Variants in FGFR2 observed in about 807,000 individuals in gnomAD.
FGFR2 encodes BEK fibroblast growth factor receptor.
In FGFR2, 19 loss-of-function variants were observed where a neutral mutation model predicts 95.9. The ratio of observed to expected loss-of-function variants is 0.20; its 90% CI spans 0.14 to 0.29. The LOEUF (loss-of-function observed/expected upper bound fraction) is 0.29, where lower values mean the gene tolerates loss of function less well. FGFR2 is among the 10% of genes least tolerant of loss of function. The probability of loss-of-function intolerance (pLI) is 1.00; values close to 1 mark genes in which losing one functional copy is unlikely to be tolerated. For missense variants in FGFR2, 707 were observed against 1,056.9 expected (o/e 0.67, Z 4.59); for synonymous variants, 392 against 393.3 (o/e 1.00, Z 0.04).
At chr10:121,548,845 C>A (rs941622194) in intron 5 of FGFR2, among the ~76,000 whole-genome samples, 21 of 152,218 alleles carry the variant, frequency 1.4e-4, no homozygotes, top group Admixed American at 7.2e-4. Context: ...TGGCTTAACT[C>A]TTCCTTTCTA....
At position 121,531,808 on chromosome 10, in the gene FGFR2, T is replaced by C. The variant is rs979457130; in HGVS notation, c.748+6784A>G. Among the ~76,000 whole-genome samples, 3 of 152,132 alleles carry C rather than the reference T, an allele frequency of 2.0e-5. No homozygotes were observed. In the South Asian group the frequency reaches 6.2e-4, roughly 32 times the overall value. On this transcript the variant is annotated intron_variant, in intron 6 of 17. Transcript: ENST00000358487. The surrounding 1 kb of genome is among the most constrained non-coding windows in gnomAD (Gnocchi z 4.5). ...TCCAGAGAGGGCATCTGGCACAGAGTAGAGACCCTTAGGGGTTGTCTGTGA... is the reference window on the plus strand; with the variant it reads ...TCCAGAGAGGGCATCTGGCACAGAGCAGAGACCCTTAGGGGTTGTCTGTGA...
chr10:121,546,983 C>T (rs997679538), intron 5 of FGFR2, among the ~76,000 whole-genome samples: 44 of 152,124 alleles, frequency 2.9e-4, no homozygotes, highest in Non-Finnish European at 4.4e-5. Flanking sequence ...CCAGCACTCG[C>T]AGAGGCCAAG....
chr10:121,559,778 CT>C (rs1036025126), intron 4 of FGFR2, among the ~76,000 whole-genome samples: 7 of 152,354 alleles, frequency 4.6e-5, no homozygotes, highest in African/African-American at 1.7e-4. Flanking sequence ...GCTCTACCCC[CT>C]GGCCCTTCTG....
chr10:121,546,185 T>TAAAAAAAAAAAAAAA (rs35408469), intron 5 of FGFR2, among the ~76,000 whole-genome samples: 8 of 135,346 alleles, frequency 5.9e-5, no homozygotes, highest in Admixed American at 2.9e-4. Context: ...ACCTCTTTAT[T>TAAAAAAAAAAAAAAA]AAAAAAAAAA....
chr10:121,580,036 T>C (rs1454956855), intron 2 of FGFR2, among the ~76,000 whole-genome samples: 2 of 152,220 alleles, frequency 1.3e-5, no homozygotes, highest in Non-Finnish European at 1.5e-5. Context: ...TTGCCCTGTA[T>C]GGCCCTGAAA....
At chr10:121,507,798 TCTGGGTAA>T in intron 9 of FGFR2, among the ~76,000 whole-genome samples, 1 of 152,312 alleles carries the variant, frequency 6.6e-6, no homozygotes, top group East Asian at 1.9e-4. Flanking sequence ...GACACTTCTC[TCTGGGTAA>T]CTTGGAGCGT....
intron 8 of FGFR2, among the ~76,000 whole-genome samples, chr10:121,516,648 T>A (rs1003041908): frequency 2.0e-5 from 3 of 152,176 alleles, no homozygotes; most frequent in African/African-American, 7.2e-5. Flanking sequence ...AGAATAGAGA[T>A]GTCGGTTAAA....
At chr10:121,578,131 T>C (rs1392924302) in intron 2 of FGFR2, among the ~76,000 whole-genome samples, 1 of 152,138 alleles carries the variant, frequency 6.6e-6, no homozygotes, top group African/African-American at 2.4e-5. Flanking sequence ...GCGCCTCTTG[T>C]AGCCACCGCA....
chr10:121,544,402 C>T (rs944071353), intron 5 of FGFR2, among the ~76,000 whole-genome samples: 1 of 148,858 alleles, frequency 6.7e-6, no homozygotes, highest in South Asian at 2.1e-4. Flanking sequence ...CAAGGTTGCA[C>T]CACTGCACTC....
At position 121,518,867 on chromosome 10, in the gene FGFR2, A is replaced by G. The variant is rs903753548; in HGVS notation, c.939+1112T>C. On this transcript the variant is annotated intron_variant, in intron 7 of 17. Transcript: ENST00000358487. This position sits in a 1 kb window ranked among gnomAD's most constrained non-coding sequence, Gnocchi z 4.0. ...CAGGAGAACAATATAACGGCCAACC[A>G]GGAAGGTCTTAGCATTGTCTATGGT... is the stretch of plus-strand genomic sequence containing the variant. The G allele has an allele frequency of 3.3e-5, 53 of 1,613,584 alleles. No homozygotes were observed. Among genetic ancestry groups the G allele is most frequent in the Non-Finnish European group, 4.5e-5 (53 of 1,179,732 alleles).
At chr10:121,553,330 A>G (rs566317012) in intron 4 of FGFR2, among the ~76,000 whole-genome samples, 1 of 152,282 alleles carries the variant, frequency 6.6e-6, no homozygotes, top group Non-Finnish European at 1.5e-5. Flanking sequence ...CTGGGTAGAC[A>G]TTTGGCTCTG....
chr10:121,538,407 C>T, intron 6 of FGFR2, 185 bp downstream of exon 6: 1 of 938,160 alleles, frequency 1.1e-6, no homozygotes, highest in Non-Finnish European at 1.8e-6. Flanking sequence ...TAAACCCTGG[C>T]TGCCTGGAAA....
rs147798508 is a variant in FGFR2 at position 121,567,872 on chromosome 10, T to C, written c.110-2168A>G. Among the ~76,000 whole-genome samples, 327 of 152,356 alleles carry C rather than the reference T, an allele frequency of 2.1e-3. 1 individual carries two copies. The highest frequency in any genetic ancestry group is 6.7e-3 in the African/African-American group (278 of 41,586). ...CCTGCAAGCCCTACAATATTTGCAG[T>C]CTTGCCTTTGCAAAAAGTGTTTCAA... is the stretch of plus-strand genomic sequence containing the variant. On this transcript the variant is annotated intron_variant, in intron 2 of 17. Coordinates refer to ENST00000358487, the MANE Select transcript of FGFR2 (RefSeq NM_000141.5).
At chr10:121,492,406 TCACGCACA>T (rs1338395279) in intron 13 of FGFR2, among the ~76,000 whole-genome samples, 3 of 151,624 alleles carry the variant, frequency 2.0e-5, no homozygotes, top group Non-Finnish European at 4.4e-5. Context: ...ACTCACACAC[TCACGCACA>T]CACACACATG....
chr10:121,540,938 C>T (rs946378568), intron 5 of FGFR2, among the ~76,000 whole-genome samples: 14 of 152,098 alleles, frequency 9.2e-5, no homozygotes, highest in African/African-American at 3.4e-4. Flanking sequence ...TCGCCTGACT[C>T]GGCTGACACA....
chr10:121,541,653 A>G (rs1853777885), intron 5 of FGFR2, among the ~76,000 whole-genome samples: 1 of 152,236 alleles, frequency 6.6e-6, no homozygotes, highest in Non-Finnish European at 1.5e-5. Context: ...CAATAAACAT[A>G]TGAAAAGATG....
intron 1 of FGFR2, 27 bp from the exon 2 acceptor site, chr10:121,593,994 G>A (rs184260013): frequency 2.2e-5 from 15 of 695,256 alleles, no homozygotes; most frequent in African/African-American, 1.6e-4. Context: ...GGCGAGTCAG[G>A]GAATCTTCCC....
At chr10:121,480,098 T>A (rs2133689494) in intron 17 of FGFR2, 77 bp from the exon 18 acceptor site, 1 of 1,357,394 alleles carries the variant, frequency 7.4e-7, no homozygotes, top group Non-Finnish European at 1.1e-6. Context: ...AGAGGCTGAC[T>A]GAGGTCCAAG....
intron 17 of FGFR2, among the ~76,000 whole-genome samples, chr10:121,480,741 G>GT (rs2133699531): frequency 6.6e-6 from 1 of 152,050 alleles, no homozygotes; most frequent in East Asian, 1.9e-4. Flanking sequence ...AAGTTTCAAA[G>GT]TTTTGAAGGT....
Sources: allele counts gnomAD v4.1 joint callset (sites outside exome capture counted in the v4.1 genomes callset), GRCh38; gene constraint gnomAD v4.1.1; non-coding constraint Gnocchi (gnomAD v3.1); transcripts MANE v1.5; gene names NCBI Gene and HGNC (gene_info 2026-07-23, HGNC 2026-07-21).